SPATA16: variants seen among roughly 807,000 people sequenced by gnomAD.
SPATA16 encodes spermatogenesis associated 16, also known as spermatogenesis-associated protein 16.
Under a neutral mutation model 63.3 loss-of-function variants are expected in SPATA16, and 36 were observed. That is an observed-to-expected ratio of 0.57 (90% CI 0.44 to 0.75). The LOEUF (loss-of-function observed/expected upper bound fraction) is 0.75. SPATA16 is among the 30% of genes least tolerant of loss of function. The pLI is 0.00. For missense variants in SPATA16, 646 were observed against 679.3 expected (o/e 0.95, Z 0.54); for synonymous variants, 203 against 216.7 (o/e 0.94, Z 0.56).
At position 173,029,406 on chromosome 3, in the gene SPATA16, G is replaced by GTTTTTTTTTTTTT. The variant is rs57233262; in HGVS notation, c.759-9832_759-9831insAAAAAAAAAAAAA. Among the ~76,000 whole-genome samples, 6 of 139,844 alleles carry GTTTTTTTTTTTTT rather than the reference G, an allele frequency of 4.3e-5. 1 individual carries two copies. Among genetic ancestry groups the GTTTTTTTTTTTTT allele is most frequent in the African/African-American group, 8.3e-5 (3 of 36,294 alleles). 91.7% of individuals were successfully genotyped at this position (139,844 alleles called of 152,430 possible). ...GTTCACAGCAATAACAGTAATCAGA[G>GTTTTTTTTTTTTT]TTTTTTTTTTGTTTGTTTGTTTTGT... On this transcript the variant is annotated intron_variant, in intron 3 of 10. Coordinates refer to ENST00000351008, the MANE Select transcript of SPATA16 (RefSeq NM_031955.6).
At chr3:172,957,270 A>T (rs536605708) in intron 5 of SPATA16, among the ~76,000 whole-genome samples, 1 of 152,250 alleles carries the variant, frequency 6.6e-6, no homozygotes, top group South Asian at 2.1e-4. Flanking sequence ...GACAGACGGT[A>T]TTTTTTGTTT....
chr3:173,010,435 C>CGTGTGT (rs66547523), intron 4 of SPATA16, among the ~76,000 whole-genome samples: 7,283 of 141,342 alleles, frequency 0.052, 247 homozygotes, highest in South Asian at 0.086. Context: ...CACGTTGTGG[C>CGTGTGT]GTGTGTGTGT....
chr3:173,041,492 G>A (rs985163630), intron 3 of SPATA16, among the ~76,000 whole-genome samples: 2 of 152,076 alleles, frequency 1.3e-5, no homozygotes, highest in African/African-American at 2.4e-5. Context: ...TTTTCCCAAA[G>A]CAAGACATTG....
chr3:173,034,699 C>G (rs2108286101), intron 3 of SPATA16, among the ~76,000 whole-genome samples: 1 of 152,202 alleles, frequency 6.6e-6, no homozygotes, highest in African/African-American at 2.4e-5. Context: ...TCCAGCCCAG[C>G]TAAACCACCA....
intron 5 of SPATA16, among the ~76,000 whole-genome samples, chr3:172,973,101 T>C (rs1037310896): frequency 1.3e-5 from 2 of 152,182 alleles, no homozygotes; most frequent in African/African-American, 4.8e-5. Context: ...ATGTTGAAAT[T>C]GATGCAATAT....
intron 4 of SPATA16, among the ~76,000 whole-genome samples, chr3:173,013,590 C>CTT (rs1735118712): frequency 6.6e-6 from 1 of 152,200 alleles, no homozygotes; most frequent in African/African-American, 2.4e-5. Context: ...GGGACAAAGA[C>CTT]AGTTAATCAA....
At chr3:172,901,764 C>T (rs1422390689) in intron 10 of SPATA16, among the ~76,000 whole-genome samples, 1 of 152,208 alleles carries the variant, frequency 6.6e-6, no homozygotes, top group African/African-American at 2.4e-5. Context: ...AAGCTCCTCA[C>T]TGGGTTTCCA....
intron 2 of SPATA16, among the ~76,000 whole-genome samples, chr3:173,055,345 ATTTATAATAGCTCCAAACTG>A (rs1736196188): frequency 6.6e-6 from 1 of 152,224 alleles, no homozygotes; most frequent in Admixed American, 6.5e-5. Context: ...TAGCAACTTC[ATTTATAATAGCTCCAAACTG>A]AAAGTGATCT....
At chr3:173,018,848 A>T (rs1382505203) in intron 4 of SPATA16, among the ~76,000 whole-genome samples, 1 of 152,192 alleles carries the variant, frequency 6.6e-6, no homozygotes, top group African/African-American at 2.4e-5. Context: ...GGAACAGAAG[A>T]GGAGTCTTGT....
intron 4 of SPATA16, among the ~76,000 whole-genome samples, chr3:172,997,839 A>G (rs1298880836): frequency 5.9e-5 from 9 of 152,136 alleles, no homozygotes; most frequent in Non-Finnish European, 8.8e-5. Flanking sequence ...GTTTCAGCCC[A>G]TTTGTTGAGT....
chr3:173,026,039 C>T (rs1389510665), intron 3 of SPATA16, among the ~76,000 whole-genome samples: 9 of 152,014 alleles, frequency 5.9e-5, no homozygotes, highest in Admixed American at 3.3e-4. Flanking sequence ...TTCTCTCCAG[C>T]AATGCATGAA....
intron 2 of SPATA16, among the ~76,000 whole-genome samples, chr3:173,076,265 A>C (rs1285534780): frequency 6.6e-6 from 1 of 152,158 alleles, no homozygotes; most frequent in Non-Finnish European, 1.5e-5. Flanking sequence ...TTATGTGCAT[A>C]TTTAAAGAAT....
At chr3:172,986,110 T>G (rs753426156) in intron 4 of SPATA16, among the ~76,000 whole-genome samples, 11 of 152,146 alleles carry the variant, frequency 7.2e-5, no homozygotes, top group Non-Finnish European at 1.2e-4. Flanking sequence ...GCTTTTTAGG[T>G]ATGGGTTTGT....
chr3:173,025,982 G>T (rs1735443554), intron 3 of SPATA16, among the ~76,000 whole-genome samples: 1 of 151,936 alleles, frequency 6.6e-6, no homozygotes, highest in Admixed American at 6.6e-5. Flanking sequence ...GCTCAACTTT[G>T]TGAGAAACTC....
At chr3:173,042,230 TA>T (rs1248863224) in intron 3 of SPATA16, among the ~76,000 whole-genome samples, 2 of 152,164 alleles carry the variant, frequency 1.3e-5, no homozygotes, top group Non-Finnish European at 2.9e-5. Flanking sequence ...AATTTATTAT[TA>T]TTTTTTGAAA....
At chr3:172,973,042 T>C (rs1316354783) in intron 5 of SPATA16, among the ~76,000 whole-genome samples, 1 of 152,200 alleles carries the variant, frequency 6.6e-6, no homozygotes, top group African/African-American at 2.4e-5. Context: ...CATTTGCTAG[T>C]AGAGACTTTG....
intron 5 of SPATA16, among the ~76,000 whole-genome samples, chr3:172,957,107 A>T (rs571730502): frequency 8.1e-4 from 124 of 152,290 alleles, no homozygotes; most frequent in Non-Finnish European, 1.2e-4. Flanking sequence ...CTAAGGTGTC[A>T]TGTTTTACTT....
intron 2 of SPATA16, among the ~76,000 whole-genome samples, chr3:173,095,461 A>G (rs1737329559): frequency 6.6e-6 from 1 of 152,132 alleles, no homozygotes; most frequent in Non-Finnish European, 1.5e-5. Flanking sequence ...ATATCTACCT[A>G]TGTATATGTC....
At chr3:173,026,582 A>G (rs1735458883) in intron 3 of SPATA16, among the ~76,000 whole-genome samples, 1 of 151,950 alleles carries the variant, frequency 6.6e-6, no homozygotes, top group African/African-American at 2.4e-5. Context: ...GTTATAAACT[A>G]TTGGAGTTGA....
Sources: allele counts gnomAD v4.1 joint callset (sites outside exome capture counted in the v4.1 genomes callset), GRCh38; gene constraint gnomAD v4.1.1; transcripts MANE v1.5; gene names NCBI Gene and HGNC (gene_info 2026-07-23, HGNC 2026-07-21).